The following PRRC2C variants were observed in gnomAD, a reference collection of about 807,000 sequenced individuals.
The protein encoded by PRRC2C is proline rich coiled-coil 2C.
A neutral mutation model predicts 317.2 loss-of-function variants in PRRC2C; 72 were observed. The ratio of observed to expected loss-of-function variants is 0.23; its 90% CI spans 0.19 to 0.28. PRRC2C has a LOEUF of 0.28. Ranked by LOEUF, PRRC2C falls within the 10% of genes least tolerant of loss-of-function variation. The pLI is 1.00. For synonymous variants in PRRC2C, 1,296 were observed against 1,205.9 expected, an observed-to-expected ratio of 1.07 and a Z score of -1.55; for missense variants, 3,074 against 3,459.7, an observed-to-expected ratio of 0.89 and a Z score of 2.80.
chr1:171,492,110 G>A (rs968103924), intron 1 of PRRC2C, among the ~76,000 whole-genome samples: 5 of 152,088 alleles, frequency 3.3e-5, no homozygotes, highest in African/African-American at 1.2e-4. Flanking sequence ...TTTGATTTGT[G>A]GTGTACAGTT....
intron 15 of PRRC2C, among the ~76,000 whole-genome samples, chr1:171,538,337 A>G (rs1380163147): frequency 1.3e-5 from 2 of 152,204 alleles, no homozygotes; most frequent in Non-Finnish European, 2.9e-5. Context: ...CAATGCTTAT[A>G]TAATATAGCT....
At chr1:171,497,986 T>A (rs1164789988) in intron 1 of PRRC2C, among the ~76,000 whole-genome samples, 3 of 14,996 alleles carry the variant, frequency 2.0e-4, no homozygotes, top group Non-Finnish European at 7.0e-4. Context: ...AGCTAATTTT[T>A]TTTTTTTTTT....
intron 16 of PRRC2C, among the ~76,000 whole-genome samples, chr1:171,543,185 C>G (rs1447832857): frequency 6.6e-6 from 1 of 151,028 alleles, no homozygotes; most frequent in East Asian, 2.0e-4. Context: ...CTGGCTAACA[C>G]AGTGAAACCC....
intron 14 of PRRC2C, among the ~76,000 whole-genome samples, 166 bp downstream of exon 14, chr1:171,536,444 ATTAC>A (rs1019592434): frequency 1.6e-4 from 24 of 152,296 alleles, no homozygotes; most frequent in African/African-American, 5.8e-4. Context: ...TGACACTCAT[ATTAC>A]TTATGTGGCA....
At chr1:171,495,607 C>T (rs1184967332) in intron 1 of PRRC2C, among the ~76,000 whole-genome samples, 5 of 152,082 alleles carry the variant, frequency 3.3e-5, no homozygotes, top group African/African-American at 1.2e-4. Flanking sequence ...ATGACTAGTA[C>T]TTTCAGTAGT....
chr1:171,574,705 ACT>A (rs1329247295), intron 24 of PRRC2C, among the ~76,000 whole-genome samples: 2 of 152,062 alleles, frequency 1.3e-5, no homozygotes, highest in African/African-American at 2.4e-5. Flanking sequence ...TAAATGATAC[ACT>A]CTCACACTCC....
intron 15 of PRRC2C, among the ~76,000 whole-genome samples, chr1:171,538,260 C>T (rs1398945681): frequency 6.6e-6 from 1 of 152,134 alleles, no homozygotes; most frequent in Non-Finnish European, 1.5e-5. Flanking sequence ...TAGACGTGAG[C>T]CATCGTGTGC....
intron 12 of PRRC2C, among the ~76,000 whole-genome samples, chr1:171,533,189 A>G (rs1212849891): frequency 2.6e-5 from 4 of 152,078 alleles, no homozygotes; most frequent in Non-Finnish European, 5.9e-5. Flanking sequence ...TTTCTGTTTT[A>G]TCTGCAGAAT....
chr1:171,564,637 A>C (rs1389825690), intron 20 of PRRC2C, among the ~76,000 whole-genome samples: 1 of 152,228 alleles, frequency 6.6e-6, no homozygotes, highest in Non-Finnish European at 1.5e-5. Flanking sequence ...GTCTACTTAC[A>C]CAAACCTAGA....
chr1:171,577,693 GCTT>G (rs1161599235), intron 26 of PRRC2C, 56 bp downstream of exon 26: 3 of 1,477,538 alleles, frequency 2.0e-6, no homozygotes, highest in Non-Finnish European at 2.8e-6. Flanking sequence ...TTACTAAAAT[GCTT>G]ATTTTTGTCT....
chr1:171,506,273 C>T (rs1670192692), intron 1 of PRRC2C, among the ~76,000 whole-genome samples: 1 of 152,180 alleles, frequency 6.6e-6, no homozygotes, highest in African/African-American at 2.4e-5. Context: ...GTACTTTAAG[C>T]ATGTAGCTCT....
chr1:171,544,010 C>G (rs1254148093), intron 16 of PRRC2C, among the ~76,000 whole-genome samples: 2 of 152,202 alleles, frequency 1.3e-5, no homozygotes, highest in African/African-American at 4.8e-5. Flanking sequence ...TCAATCAATC[C>G]ATTCAGAAGG....
chr1:171,588,161 A>G (rs1572168822), intron 32 of PRRC2C, among the ~76,000 whole-genome samples: 1 of 152,192 alleles, frequency 6.6e-6, no homozygotes, highest in African/African-American at 2.4e-5. Flanking sequence ...ATATTGTCCA[A>G]GCTGGTCTCG....
intron 24 of PRRC2C, among the ~76,000 whole-genome samples, chr1:171,573,391 ACT>A (rs1258960276): frequency 3.9e-5 from 6 of 152,170 alleles, no homozygotes; most frequent in Non-Finnish European, 8.8e-5. Flanking sequence ...AAGACATTGT[ACT>A]CTGTCAACTT....
rs1270625147 is a variant in PRRC2C, at chr1:171,558,162, G to A, written c.6031+19G>A. On this transcript the variant is annotated intron_variant, in intron 19 of 34. Transcript: ENST00000647382. ...AAGAAATGTAAGTTGCAAAAGAGAA[G>A]TGAGGGGTGGGGAATGGCATAGGAA... 1.9e-6 allele frequency: 3 copies of A among 1,595,800 alleles called. No individual in the cohort carries two copies. The highest frequency in any genetic ancestry group is 8.6e-7 in the Non-Finnish European group (1 of 1,168,830).
Position 171,579,411 on chromosome 1 carries a change from G to T in PRRC2C, c.7217G>T (p.Arg2406Leu). ...TSHLFNTQHA[R>L]LAPPSLAQQQ... ...CATTTATTCAATACCCAACATGCAC[G>T]ATTGGCTCCGCCATCCTTGGCTCAA... Residue 2406 changes from arginine (R) to leucine (L), a missense_variant, in exon 27 of 35, where the codon CGA (arginine) becomes CTA (leucine). Coordinates refer to ENST00000647382, the MANE Select transcript of PRRC2C (RefSeq NM_001387844.1). The T allele has an allele frequency of 6.2e-7, 1 of 1,613,830 alleles. No homozygotes were observed. The highest frequency in any genetic ancestry group is 1.3e-5 in the African/African-American group (1 of 75,006).
chr1:171,511,903 A>G, intron 1 of PRRC2C, 129 bp from the exon 2 acceptor site: 1 of 458,084 alleles, frequency 2.2e-6, no homozygotes, highest in Non-Finnish European at 4.1e-6. Flanking sequence ...TGTATTGGTT[A>G]TTGGAATTTG....
intron 23 of PRRC2C, 30 bp from the exon 24 acceptor site, chr1:171,571,290 G>A (rs1274938955): frequency 7.7e-7 from 1 of 1,297,710 alleles, no homozygotes; most frequent in South Asian, 1.2e-5. Context: ...CACATAGTTA[G>A]ATTGTGATAT....
intron 2 of PRRC2C, 51 bp downstream of exon 2, chr1:171,512,251 A>T (rs368717205): frequency 1.8e-5 from 23 of 1,247,100 alleles, no homozygotes; most frequent in Admixed American, 1.0e-4. Context: ...TTTTGTTACT[A>T]TAAGTGATAC....
Sources: allele counts gnomAD v4.1 joint callset (sites outside exome capture counted in the v4.1 genomes callset), GRCh38; gene constraint gnomAD v4.1.1; transcripts MANE v1.5; gene names NCBI Gene and HGNC (gene_info 2026-07-23, HGNC 2026-07-21).